The following RERE variants were observed in gnomAD, a reference collection of about 807,000 sequenced individuals.
RERE encodes arginine-glutamic acid dipeptide repeats.
RERE carries 40 observed loss-of-function variants against 146.1 expected under a neutral mutation model. The ratio of observed to expected loss-of-function variants is 0.27; its 90% CI spans 0.21 to 0.36. The LOEUF (loss-of-function observed/expected upper bound fraction) is 0.36, where lower values mean the gene tolerates loss of function less well. Ranked by LOEUF, RERE falls within the 10% of genes least tolerant of loss-of-function variation. The pLI, the probability that RERE is intolerant of heterozygous loss-of-function variation, is 1.00. For synonymous variants in RERE, 1,003 were observed against 866.0 expected (o/e 1.16, Z -2.78); for missense variants, 1,933 against 2,138.7 (o/e 0.90, Z 1.90).
chr1:8,361,044 CGAGGGATGCGGCGGGGGATGCGGT>C lies in RERE; in HGVS notation c.2439_2462del (p.Pro818_Pro825del). 7.0e-7 allele frequency: 1 copy of C among 1,428,906 alleles called. No homozygotes were observed. Among genetic ancestry groups the C allele is most frequent in the Non-Finnish European group, 9.1e-7 (1 of 1,096,896 alleles). The allele number at this position is 1,428,906 out of a possible 1,614,324, so 88.5% of individuals were successfully genotyped here. On this transcript the variant is annotated inframe_deletion, in exon 18 of 23. Coordinates refer to ENST00000400908, the MANE Select transcript of RERE (RefSeq NM_001042681.2). Reference sequence around the variant, plus strand: ...TCAGAGGCTGCAGCGGGGGATGTGGCGAGGGATGCGGCGGGGGATGCGGTGAGGGCGGCCGCTGGGGGTGCAAGG... The same window carrying C: ...TCAGAGGCTGCAGCGGGGGATGTGGCGAGGGCGGCCGCTGGGGGTGCAAGG...
chr1:8,545,338 G>A (rs1049753834), intron 6 of RERE, among the ~76,000 whole-genome samples: 4 of 152,184 alleles, frequency 2.6e-5, no homozygotes, highest in African/African-American at 9.7e-5. Flanking sequence ...GCGGGCCCCA[G>A]AGAGTTTTAC....
At chr1:8,750,888 T>C (rs1640518801) in intron 1 of RERE, 5 of 821,266 alleles carry the variant, frequency 6.1e-6, no homozygotes, top group Admixed American at 1.7e-5. Context: ...AATGAACTAA[T>C]CTACAAGCAT....
intron 12 of RERE, among the ~76,000 whole-genome samples, chr1:8,372,507 C>CGTGTGTGT (rs6143111): frequency 0.16 from 20,438 of 131,640 alleles, 1,965 homozygotes; most frequent in Middle Eastern, 0.32. Flanking sequence ...ACCATCAGGT[C>CGTGTGTGT]GTGTGTGTGT....
chr1:8,399,361 TATCTG>T (rs762811998), intron 12 of RERE, among the ~76,000 whole-genome samples: 3 of 152,194 alleles, frequency 2.0e-5, no homozygotes, highest in Non-Finnish European at 4.4e-5. Context: ...GGCTTTAACT[TATCTG>T]AAAGTTACAA....
chr1:8,413,144 A>G (rs550214238), intron 12 of RERE, among the ~76,000 whole-genome samples: 1 of 152,322 alleles, frequency 6.6e-6, no homozygotes, highest in Admixed American at 6.5e-5. Flanking sequence ...CTTCATTTTA[A>G]GCAAATAAAA....
At chr1:8,710,282 C>A (rs563792701) in intron 1 of RERE, among the ~76,000 whole-genome samples, 8 of 152,130 alleles carry the variant, frequency 5.3e-5, no homozygotes, top group Admixed American at 6.5e-5. Flanking sequence ...TTGCAATCTA[C>A]GTAATATACT....
intron 4 of RERE, among the ~76,000 whole-genome samples, chr1:8,585,146 C>CAAAAAAAAA (rs3082123): frequency 1.2e-4 from 16 of 130,110 alleles, no homozygotes; most frequent in African/African-American, 4.4e-4. Context: ...GACTCCATCT[C>CAAAAAAAAA]AAAAAAAAAA....
At chr1:8,489,970 A>G (rs1277522339) in intron 10 of RERE, among the ~76,000 whole-genome samples, 1 of 151,946 alleles carries the variant, frequency 6.6e-6, no homozygotes, top group Non-Finnish European at 1.5e-5. Flanking sequence ...GAATGGCGTG[A>G]ACCCGGGAGG....
chr1:8,405,978 G>A (rs901004770), intron 12 of RERE, among the ~76,000 whole-genome samples: 1 of 151,890 alleles, frequency 6.6e-6, no homozygotes, highest in Non-Finnish European at 1.5e-5. Flanking sequence ...TTTTCAAGGG[G>A]GAAAAAAATT....
intron 10 of RERE, among the ~76,000 whole-genome samples, chr1:8,468,635 C>T (rs940404768): frequency 6.6e-6 from 1 of 152,052 alleles, no homozygotes; most frequent in Non-Finnish European, 1.5e-5. Flanking sequence ...CACCTGTAAG[C>T]CCAACACTTT....
At chr1:8,495,031 C>T (rs771165777) in intron 10 of RERE, 32 bp downstream of exon 10, 15 of 1,467,526 alleles carry the variant, frequency 1.0e-5, no homozygotes, top group Non-Finnish European at 1.3e-5. Flanking sequence ...AAAGAAGTGT[C>T]TTCCCACTCA....
chr1:8,597,236 G>A (rs1646565709), intron 4 of RERE, among the ~76,000 whole-genome samples: 1 of 151,954 alleles, frequency 6.6e-6, no homozygotes, highest in Non-Finnish European at 1.5e-5. Context: ...CTAGAGGTGT[G>A]TGCCACCATG....
chr1:8,606,040 C>G (rs2124163054), intron 4 of RERE, among the ~76,000 whole-genome samples: 1 of 151,748 alleles, frequency 6.6e-6, no homozygotes. Context: ...GGTCTCAAAC[C>G]CCTAGGTTCA....
At chr1:8,422,461 C>G (rs1039816518) in intron 12 of RERE, among the ~76,000 whole-genome samples, 1 of 152,198 alleles carries the variant, frequency 6.6e-6, no homozygotes, top group Non-Finnish European at 1.5e-5. Flanking sequence ...ACAACTAACC[C>G]TCTGTTCCCA....
At chr1:8,667,365 T>A (rs1376886895) in intron 1 of RERE, among the ~76,000 whole-genome samples, 1 of 152,222 alleles carries the variant, frequency 6.6e-6, no homozygotes, top group Non-Finnish European at 1.5e-5. Flanking sequence ...TTTAAAATCC[T>A]GTCTTTCTTT....
chr1:8,366,316 T>C (rs1641801919), intron 12 of RERE, among the ~76,000 whole-genome samples: 1 of 152,242 alleles, frequency 6.6e-6, no homozygotes, highest in African/African-American at 2.4e-5. Flanking sequence ...GGAGAGAAGA[T>C]TCCTGCCCAC....
intron 1 of RERE, among the ~76,000 whole-genome samples, chr1:8,708,691 C>T (rs1010450425): frequency 1.3e-5 from 2 of 152,084 alleles, no homozygotes; most frequent in Non-Finnish European, 2.9e-5. Context: ...CTGCTGTCAT[C>T]CATAGAAGAT....
chr1:8,454,350 A>T (rs1170843929), intron 11 of RERE, among the ~76,000 whole-genome samples: 2 of 152,096 alleles, frequency 1.3e-5, no homozygotes, highest in Non-Finnish European at 2.9e-5. Context: ...GCTTTAGATA[A>T]ATCATGTGGC....
chr1:8,720,942 G>C (rs190561080), intron 1 of RERE, among the ~76,000 whole-genome samples: 247 of 152,254 alleles, frequency 1.6e-3, no homozygotes, highest in African/African-American at 5.7e-3. Context: ...TGCAATCCCA[G>C]TTACTCAGGA....
Sources: gnomAD v4.1 joint callset for allele counts (sites outside exome capture counted in the v4.1 genomes callset) on GRCh38, gnomAD v4.1.1 for gene constraint, MANE v1.5 for transcripts, NCBI Gene and HGNC (gene_info 2026-07-23, HGNC 2026-07-21) for gene names.